The following CCDC85A variants were observed in gnomAD, a reference collection of about 807,000 sequenced individuals.
CCDC85A encodes coiled-coil domain-containing protein 85A.
Under a neutral mutation model 50.2 loss-of-function variants are expected in CCDC85A, and 38 were observed. That is an observed-to-expected ratio of 0.76 (90% CI 0.58 to 0.99). CCDC85A has a LOEUF of 0.99. Ranked by LOEUF, CCDC85A falls within the 50% of genes least tolerant of loss-of-function variation. The probability of loss-of-function intolerance (pLI) is 0.00; values close to 1 mark genes in which losing one functional copy is unlikely to be tolerated. For missense variants in CCDC85A, 820 were observed against 742.0 expected (o/e 1.11, Z -1.22); for synonymous variants, 366 against 301.4 (o/e 1.21, Z -2.22).
At chr2:56,284,951 A>G (rs1379502355) in intron 2 of CCDC85A, among the ~76,000 whole-genome samples, 1 of 152,066 alleles carries the variant, frequency 6.6e-6, no homozygotes, top group African/African-American at 2.4e-5. Context: ...CATGGTATAT[A>G]TTCTTCATCC....
intron 3 of CCDC85A, among the ~76,000 whole-genome samples, chr2:56,365,007 A>G (rs1675720246): frequency 6.6e-6 from 1 of 152,184 alleles, no homozygotes; most frequent in Admixed American, 6.5e-5. Flanking sequence ...ATAAATTTCA[A>G]ATCCTTCTTA....
intron 2 of CCDC85A, among the ~76,000 whole-genome samples, chr2:56,240,715 G>A (rs183137145): frequency 1.5e-4 from 23 of 152,196 alleles, no homozygotes; most frequent in African/African-American, 5.1e-4. Flanking sequence ...CACTGATGTC[G>A]CTGTCAGTAT....
At chr2:56,293,577 T>G (rs190836600) in intron 2 of CCDC85A, among the ~76,000 whole-genome samples, 1 of 152,186 alleles carries the variant, frequency 6.6e-6, no homozygotes, top group East Asian at 1.9e-4. Context: ...GACAAAGGTC[T>G]AATATTCAGA....
At chr2:56,269,010 CACTTTTCCATAGACT>C (rs1418229483) in intron 2 of CCDC85A, among the ~76,000 whole-genome samples, 1 of 152,062 alleles carries the variant, frequency 6.6e-6, no homozygotes, top group African/African-American at 2.4e-5. Flanking sequence ...AGACTTGGAA[CACTTTTCCATAGACT>C]AGTTTTTGGC....
intron 4 of CCDC85A, among the ~76,000 whole-genome samples, chr2:56,374,733 C>A (rs1676249962): frequency 6.6e-6 from 1 of 152,162 alleles, no homozygotes; most frequent in Admixed American, 6.5e-5. Context: ...TGCTTAAGCC[C>A]CGGAGTTGAA....
In CCDC85A at chr2:56,268,319, C is replaced by T. The variant is rs371417279; in HGVS notation, c.1241-74560C>T. The stretch of plus-strand genomic sequence containing the variant: ...CTTTCAAAGAAAAAAAATGACAGGC[C>T]GGGCACAGTGGCTCACACCTGTAAT... On this transcript the variant is annotated intron_variant, in intron 2 of 5. Coordinates refer to ENST00000407595, the MANE Select transcript of CCDC85A (RefSeq NM_001080433.2). 1.6e-4 allele frequency among the ~76,000 whole-genome samples: 25 copies of T among 152,142 alleles called. 1 individual carries two copies. Among genetic ancestry groups the T allele is most frequent in the African/African-American group, 5.8e-4 (24 of 41,532 alleles).
At chr2:56,379,889 C>CTACGATGTGGCTTT in intron 5 of CCDC85A, 5 of 639,652 alleles carry the variant, frequency 7.8e-6, no homozygotes, top group South Asian at 6.9e-5. Flanking sequence ...GTGTTGAAAG[C>CTACGATGTGGCTTT]CACATCGTAG....
At chr2:56,217,142 T>C (rs1668091186) in intron 2 of CCDC85A, among the ~76,000 whole-genome samples, 1 of 151,462 alleles carries the variant, frequency 6.6e-6, no homozygotes, top group Non-Finnish European at 1.5e-5. Flanking sequence ...TAAAAAAAGG[T>C]TTAAGTTTTA....
chr2:56,184,462 CACCCAGCGCGACCCCCGCCGCCCCA>C lies in CCDC85A; in HGVS notation c.-154_-130del. 1.3e-6 allele frequency: 1 copy of C among 765,218 alleles called. No individual in the cohort carries two copies. Among genetic ancestry groups the C allele is most frequent in the Non-Finnish European group, 1.8e-6 (1 of 570,094 alleles). 47.4% of individuals were successfully genotyped at this position (765,218 alleles called of 1,614,324 possible). ...CGCGGGGATGGCGAGGTAGGATGGC[CACCCAGCGCGACCCCCGCCGCCCCA>C]ACCCAGCGGCCCCTGGGCGGTGCCG... On this transcript the variant is annotated 5_prime_UTR_variant, in exon 1 of 6. An upstream open reading frame in the 5' UTR loses its in-frame stop. Coordinates refer to ENST00000407595, the MANE Select transcript of CCDC85A (RefSeq NM_001080433.2).
At chr2:56,324,673 T>C (rs1673377488) in intron 2 of CCDC85A, among the ~76,000 whole-genome samples, 2 of 152,152 alleles carry the variant, frequency 1.3e-5, no homozygotes, top group Admixed American at 1.3e-4. Context: ...TCTACATTAT[T>C]CACAATTGTG....
At chr2:56,243,215 A>G (rs1669344335) in intron 2 of CCDC85A, among the ~76,000 whole-genome samples, 2 of 152,180 alleles carry the variant, frequency 1.3e-5, no homozygotes, top group Non-Finnish European at 2.9e-5. Context: ...CCCTTTGAAT[A>G]AACTTTCTAC....
At chr2:56,247,469 CTTAAAG>C (rs758757080) in intron 2 of CCDC85A, among the ~76,000 whole-genome samples, 3 of 152,150 alleles carry the variant, frequency 2.0e-5, no homozygotes, top group Non-Finnish European at 2.9e-5. Context: ...GTTCTGCAAT[CTTAAAG>C]TAACTGGAGT....
chr2:56,221,744 A>G (rs1668336582), intron 2 of CCDC85A, among the ~76,000 whole-genome samples: 1 of 152,116 alleles, frequency 6.6e-6, no homozygotes. Context: ...TCTAGAATGA[A>G]TTTGTTAGGT....
intron 2 of CCDC85A, among the ~76,000 whole-genome samples, chr2:56,195,814 C>T (rs1191441493): frequency 6.6e-6 from 1 of 152,066 alleles, no homozygotes; most frequent in Non-Finnish European, 1.5e-5. Flanking sequence ...TGGATGAGCA[C>T]TTGCATGTTT....
intron 2 of CCDC85A, among the ~76,000 whole-genome samples, chr2:56,261,942 G>T (rs1670236001): frequency 6.6e-6 from 1 of 152,166 alleles, no homozygotes; most frequent in South Asian, 2.1e-4. Context: ...ACCTTCTTAG[G>T]ATCCAGTGTC....
chr2:56,251,423 C>T (rs1258523895), intron 2 of CCDC85A, among the ~76,000 whole-genome samples: 1 of 152,132 alleles, frequency 6.6e-6, no homozygotes, highest in Admixed American at 6.5e-5. Flanking sequence ...GGAATAGTGG[C>T]CTTGCCAGTT....
At chr2:56,200,461 G>A (rs1175925660) in intron 2 of CCDC85A, among the ~76,000 whole-genome samples, 1 of 152,192 alleles carries the variant, frequency 6.6e-6, no homozygotes, top group Admixed American at 6.5e-5. Flanking sequence ...GACACTTGAG[G>A]ATACAGACAT....
intron 1 of CCDC85A, among the ~76,000 whole-genome samples, chr2:56,186,299 A>G (rs1014693249): frequency 6.6e-6 from 1 of 152,222 alleles, no homozygotes. Context: ...AGATGATCTC[A>G]GAGGTGGGTT....
intron 5 of CCDC85A, among the ~76,000 whole-genome samples, chr2:56,377,760 C>T (rs1293232304): frequency 6.6e-6 from 1 of 151,950 alleles, no homozygotes. Context: ...TGGTGGCAGG[C>T]ACCTGTAATC....
Sources: gnomAD v4.1 joint callset for allele counts (sites outside exome capture counted in the v4.1 genomes callset) on GRCh38, gnomAD v4.1.1 for gene constraint, MANE v1.5 for transcripts, NCBI Gene and HGNC (gene_info 2026-07-23, HGNC 2026-07-21) for gene names.